The following SUPT3H variants were observed in gnomAD, a reference collection of about 807,000 sequenced individuals.
The protein encoded by SUPT3H is transcription initiation protein SPT3 homolog.
A neutral mutation model predicts 44.3 loss-of-function variants in SUPT3H; 44 were observed. The observed-to-expected ratio is 0.99, with a 90% CI of 0.78 to 1.28. The LOEUF (loss-of-function observed/expected upper bound fraction) is 1.28. Ranked by LOEUF, SUPT3H falls within the 50% of genes most tolerant of loss-of-function variation. The probability of loss-of-function intolerance (pLI) is 0.00; values close to 1 mark genes in which losing one functional copy is unlikely to be tolerated. For synonymous variants in SUPT3H, 124 were observed against 125.6 expected (o/e 0.99, Z 0.09); for missense variants, 380 against 387.1 (o/e 0.98, Z 0.15).
chr6:44,826,323 T>C (rs934461216), downstream of SUPT3H, among the ~76,000 whole-genome samples: 24 of 152,146 alleles, frequency 1.6e-4, no homozygotes, highest in African/African-American at 5.6e-4. Context: ...TGTACAACAA[T>C]AGCATGTAAA....
At chr6:45,210,163 A>G (rs1046130913) in intron 2 of SUPT3H, among the ~76,000 whole-genome samples, 4 of 152,226 alleles carry the variant, frequency 2.6e-5, no homozygotes, top group Admixed American at 6.5e-5. Flanking sequence ...TCACTAAGCC[A>G]AAGGGAAAAG....
intron 2 of SUPT3H, among the ~76,000 whole-genome samples, chr6:45,219,734 T>C (rs1765684805): frequency 6.6e-6 from 1 of 152,068 alleles, no homozygotes; most frequent in African/African-American, 2.4e-5. Flanking sequence ...GGGTGGAGAA[T>C]TCAAGTAAAC....
At chr6:45,147,964 T>A (rs1214089716) in intron 2 of SUPT3H, among the ~76,000 whole-genome samples, 1 of 152,088 alleles carries the variant, frequency 6.6e-6, no homozygotes, top group Non-Finnish European at 1.5e-5. Flanking sequence ...CAGAAAAAAT[T>A]AAGCAATAAG....
intron 2 of SUPT3H, among the ~76,000 whole-genome samples, chr6:45,288,516 A>G (rs1417069870): frequency 1.4e-5 from 2 of 145,358 alleles, no homozygotes; most frequent in African/African-American, 2.5e-5. Flanking sequence ...GTATTTACAC[A>G]CAATAAGAGA....
chr6:45,188,050 C>T (rs759433219), intron 2 of SUPT3H, among the ~76,000 whole-genome samples: 1 of 152,232 alleles, frequency 6.6e-6, no homozygotes, highest in African/African-American at 2.4e-5. Context: ...TAAGCCTGTA[C>T]ACACTTCTAT....
intron 3 of SUPT3H, among the ~76,000 whole-genome samples, chr6:45,039,748 G>A (rs1485155289): frequency 2.0e-5 from 3 of 151,508 alleles, no homozygotes; most frequent in African/African-American, 7.3e-5. Context: ...TTGCACCACT[G>A]CACTCCAGCC....
chr6:45,071,344 CAT>C (rs766589711), intron 3 of SUPT3H, among the ~76,000 whole-genome samples: 107 of 152,084 alleles, frequency 7.0e-4, no homozygotes, highest in African/African-American at 2.3e-3. Flanking sequence ...AAAAGTTACA[CAT>C]GAGGAAACTA....
intron 3 of SUPT3H, among the ~76,000 whole-genome samples, chr6:45,024,352 A>T (rs1785622588): frequency 6.6e-6 from 1 of 151,662 alleles, no homozygotes; most frequent in African/African-American, 2.4e-5. Flanking sequence ...ACTGTATTAT[A>T]TTTTCACCAA....
chr6:44,996,826 T>G (rs192599989), intron 6 of SUPT3H, among the ~76,000 whole-genome samples: 5 of 151,982 alleles, frequency 3.3e-5, no homozygotes, highest in African/African-American at 1.2e-4. Flanking sequence ...TATTCTGGAA[T>G]GTATTTTGAT....
At chr6:45,070,763 A>T (rs1794261475) in intron 3 of SUPT3H, among the ~76,000 whole-genome samples, 1 of 150,776 alleles carries the variant, frequency 6.6e-6, no homozygotes, top group South Asian at 2.1e-4. Flanking sequence ...AAAAAAAGAA[A>T]TGCTTTAATC....
intron 9 of SUPT3H, among the ~76,000 whole-genome samples, chr6:44,936,370 C>CTG (rs1222478932): frequency 6.6e-6 from 1 of 152,040 alleles, no homozygotes; most frequent in Non-Finnish European, 1.5e-5. Context: ...TAAATGTATG[C>CTG]AGTACAAGTG....
intron 9 of SUPT3H, among the ~76,000 whole-genome samples, chr6:44,943,878 A>G (rs949293459): frequency 6.6e-6 from 1 of 152,162 alleles, no homozygotes; most frequent in African/African-American, 2.4e-5. Context: ...ACTACAACAA[A>G]TGTTAAACAA....
intron 2 of SUPT3H, among the ~76,000 whole-genome samples, chr6:45,124,455 C>A (rs1277586569): frequency 6.6e-6 from 1 of 151,578 alleles, no homozygotes; most frequent in Non-Finnish European, 1.5e-5. Context: ...ACCAGCCTGG[C>A]CAATATGGTG....
chr6:45,039,736 G>C (rs926155512), intron 3 of SUPT3H, among the ~76,000 whole-genome samples: 12 of 151,626 alleles, frequency 7.9e-5, no homozygotes, highest in African/African-American at 2.9e-4. Context: ...AGTGAGCCGA[G>C]ATTGCACCAC....
At chr6:44,847,117 T>C (rs1174757112) in intron 10 of SUPT3H, among the ~76,000 whole-genome samples, 1 of 152,250 alleles carries the variant, frequency 6.6e-6, no homozygotes. Flanking sequence ...AGGACAATGC[T>C]CTGAGAACTG....
chr6:45,101,704 C>A (rs193050266), intron 3 of SUPT3H, among the ~76,000 whole-genome samples: 1 of 151,874 alleles, frequency 6.6e-6, no homozygotes, highest in Non-Finnish European at 1.5e-5. Flanking sequence ...GCTAAATACC[C>A]TGATATGATC....
chr6:45,111,672 A>G (rs1332873416), intron 2 of SUPT3H, among the ~76,000 whole-genome samples: 1 of 152,180 alleles, frequency 6.6e-6, no homozygotes, highest in Non-Finnish European at 1.5e-5. Context: ...AACAAATAGC[A>G]TATGGGAAAT....
chr6:45,280,238 A>G (rs544299616), intron 2 of SUPT3H, among the ~76,000 whole-genome samples: 133 of 152,266 alleles, frequency 8.7e-4, no homozygotes, highest in African/African-American at 3.1e-3. Flanking sequence ...GTCGTGGCTC[A>G]CACCTGTAAT....
At chr6:44,857,319 A>G (rs1773903370) in intron 10 of SUPT3H, among the ~76,000 whole-genome samples, 1 of 152,216 alleles carries the variant, frequency 6.6e-6, no homozygotes, top group African/African-American at 2.4e-5. Flanking sequence ...GCGGAAGAGA[A>G]ACACATTCTC....
Sources: gnomAD v4.1 joint callset for allele counts (sites outside exome capture counted in the v4.1 genomes callset) on GRCh38, gnomAD v4.1.1 for gene constraint, MANE v1.5 for transcripts, NCBI Gene and HGNC (gene_info 2026-07-23, HGNC 2026-07-21) for gene names.